Variants in ATE1 observed in about 807,000 individuals in gnomAD.
ATE1 encodes the protein arginyltransferase 1, also known as arginyl-tRNA--protein transferase 1.
Under a neutral mutation model 70.5 loss-of-function variants are expected in ATE1, and 36 were observed. The observed-to-expected ratio is 0.51, with a 90% CI of 0.39 to 0.67. The LOEUF is 0.67. ATE1 is among the 30% of genes least tolerant of loss of function. ATE1 has a pLI of 0.00. For missense variants in ATE1, 593 were observed against 629.5 expected (o/e 0.94, Z 0.62); for synonymous variants, 232 against 219.3 (o/e 1.06, Z -0.51).
intron 3 of ATE1, among the ~76,000 whole-genome samples, chr10:121,920,133 T>C (rs897088819): frequency 6.6e-6 from 1 of 152,104 alleles, no homozygotes; most frequent in African/African-American, 2.4e-5. Context: ...ATATACACAT[T>C]GAAATTGGGG....
At chr10:121,796,728 T>TTTG (rs1231851039) in intron 10 of ATE1, among the ~76,000 whole-genome samples, 1 of 152,192 alleles carries the variant, frequency 6.6e-6, no homozygotes, top group African/African-American at 2.4e-5. Flanking sequence ...AAGTTAAATC[T>TTTG]AAAACATTGA....
intron 7 of ATE1, among the ~76,000 whole-genome samples, chr10:121,882,041 C>A (rs1291446956): frequency 6.6e-6 from 1 of 152,128 alleles, no homozygotes; most frequent in Non-Finnish European, 1.5e-5. Context: ...GGCAATCCAG[C>A]CACCTCGGCC....
At chr10:121,902,709 A>C (rs1038150310) in intron 5 of ATE1, 89 bp from the exon 6 acceptor site, 2 of 1,287,166 alleles carry the variant, frequency 1.6e-6, no homozygotes, top group Non-Finnish European at 2.1e-6. Context: ...GTGTAAGTCC[A>C]AAGAGTTTCA....
chr10:121,882,210 T>C (rs960490550), intron 7 of ATE1, among the ~76,000 whole-genome samples: 1 of 152,242 alleles, frequency 6.6e-6, no homozygotes, highest in Non-Finnish European at 1.5e-5. Flanking sequence ...CTTTTTTTAT[T>C]TGAATAGGCT....
chr10:121,910,375 A>G (rs907883705), intron 5 of ATE1, among the ~76,000 whole-genome samples: 10 of 152,238 alleles, frequency 6.6e-5, no homozygotes, highest in African/African-American at 2.4e-4. Context: ...AATACTGGAT[A>G]AACTTATTAA....
intron 11 of ATE1, among the ~76,000 whole-genome samples, chr10:121,784,461 C>A (rs1050484621): frequency 6.6e-6 from 1 of 152,106 alleles, no homozygotes; most frequent in Non-Finnish European, 1.5e-5. Context: ...TAAAAGATCA[C>A]GCAAACTAGG....
chr10:121,810,434 C>T (rs113192791), intron 10 of ATE1, among the ~76,000 whole-genome samples: 2,513 of 152,110 alleles, frequency 0.017, 64 homozygotes, highest in African/African-American at 0.058. Context: ...CCATGCCTGG[C>T]TAATTTTTTG....
intron 11 of ATE1, among the ~76,000 whole-genome samples, chr10:121,746,474 T>G (rs532292671): frequency 2.6e-5 from 4 of 152,328 alleles, no homozygotes; most frequent in South Asian, 2.1e-4. Flanking sequence ...TAAGGTTAAT[T>G]TAAGCATTTT....
chr10:121,745,749 A>C (rs1392304672), intron 11 of ATE1, among the ~76,000 whole-genome samples: 1 of 151,390 alleles, frequency 6.6e-6, no homozygotes, highest in Non-Finnish European at 1.5e-5. Context: ...AAAAAGAACC[A>C]CTGTCCTAGA....
intron 7 of ATE1, among the ~76,000 whole-genome samples, chr10:121,876,898 G>A (rs1181449009): frequency 2.0e-5 from 3 of 151,408 alleles, no homozygotes; most frequent in Admixed American, 2.0e-4. Context: ...CCCGGGAGGC[G>A]GAGCTTGCAG....
intron 7 of ATE1, among the ~76,000 whole-genome samples, chr10:121,872,821 T>C (rs1310856407): frequency 6.6e-6 from 1 of 152,066 alleles, no homozygotes; most frequent in African/African-American, 2.4e-5. Flanking sequence ...CACACATTAA[T>C]ATCACTTGTC....
At chr10:121,882,925 G>C (rs1950270110) in intron 7 of ATE1, among the ~76,000 whole-genome samples, 1 of 151,950 alleles carries the variant, frequency 6.6e-6, no homozygotes, top group African/African-American at 2.4e-5. Context: ...CTTAAGCAGA[G>C]GTCAATTATC....
intron 1 of ATE1, among the ~76,000 whole-genome samples, chr10:121,925,374 C>T (rs1952043967): frequency 6.7e-6 from 1 of 148,932 alleles, no homozygotes; most frequent in Non-Finnish European, 1.5e-5. Flanking sequence ...GACTCGAGAT[C>T]GAGCCATTGC....
chr10:121,775,456 A>C (rs1406714639), intron 11 of ATE1, among the ~76,000 whole-genome samples: 1 of 152,138 alleles, frequency 6.6e-6, no homozygotes, highest in Non-Finnish European at 1.5e-5. Context: ...ACATCTGCAC[A>C]TCCCGGAACT....
rs869156572 is a variant in ATE1, at chr10:121,896,823, CAAAAAAAAAAAAAA to C, written c.942+3029_942+3042del. Among the ~76,000 whole-genome samples, 25 of 28,350 alleles carry C rather than the reference CAAAAAAAAAAAAAA, an allele frequency of 8.8e-4. 1 individual carries two copies. The East Asian group carries it at 0.026, about 30-fold the overall frequency. The allele number at this position is 28,350 out of a possible 152,430, so 18.6% of individuals were successfully genotyped here. A position where few individuals can be genotyped will look rare whatever the true frequency, so the allele number is the denominator to read the frequency against. ...TGGGAGACAGAGCAAGACTTTGTCT[CAAAAAAAAAAAAAA>C]AAAAAAAAAAAAAGCCTCATCCCCT... is the stretch of plus-strand genomic sequence containing the variant. On this transcript the variant is annotated intron_variant, in intron 7 of 11. Transcript: ENST00000224652.
chr10:121,772,190 G>A (rs1279406341), intron 11 of ATE1, among the ~76,000 whole-genome samples: 1 of 152,346 alleles, frequency 6.6e-6, no homozygotes, highest in East Asian at 1.9e-4. Flanking sequence ...TCTGTGGTTT[G>A]TGGCGATGAT....
intron 8 of ATE1, among the ~76,000 whole-genome samples, chr10:121,864,583 T>C (rs758913486): frequency 1.3e-5 from 2 of 152,330 alleles, no homozygotes; most frequent in South Asian, 4.1e-4. Flanking sequence ...ACTTAGACCA[T>C]TTATATTTAG....
At chr10:121,886,085 A>G (rs762864610) in intron 7 of ATE1, among the ~76,000 whole-genome samples, 6 of 152,054 alleles carry the variant, frequency 3.9e-5, no homozygotes, top group Admixed American at 6.6e-5. Flanking sequence ...TTGGCACTCA[A>G]TAAGTTTCTA....
At chr10:121,846,368 CCAGA>C (rs1948822056) in intron 8 of ATE1, among the ~76,000 whole-genome samples, 1 of 152,112 alleles carries the variant, frequency 6.6e-6, no homozygotes, top group Non-Finnish European at 1.5e-5. Context: ...CAGAAGAATT[CCAGA>C]CAGTTTATGT....
Sources: allele counts gnomAD v4.1 joint callset (sites outside exome capture counted in the v4.1 genomes callset), GRCh38; gene constraint gnomAD v4.1.1; transcripts MANE v1.5; gene names NCBI Gene and HGNC (gene_info 2026-07-23, HGNC 2026-07-21).